TEX11: variants seen among roughly 807,000 people sequenced by gnomAD.
The protein encoded by TEX11 is testis-expressed protein 11.
In TEX11, 7 loss-of-function variants were observed where a neutral mutation model predicts 84.4. The observed-to-expected ratio is 0.08, with a 90% CI of 0.05 to 0.16. The LOEUF (loss-of-function observed/expected upper bound fraction) is 0.16. Ranked by LOEUF, TEX11 falls within the 10% of genes least tolerant of loss-of-function variation. The pLI is 1.00. For missense variants in TEX11, 551 were observed against 660.5 expected (o/e 0.83, Z 1.82); for synonymous variants, 264 against 222.8 (o/e 1.18, Z -1.64).
rs1442238573 is a variant in TEX11 at position 70,679,263 on chromosome X, T to G, written c.1157-374A>C. ...GTGCTCAATGGTGCCCAGGCTGGAG[T>G]GCAGTGGCGTGATCTCGGCTCGCTA... is the stretch of plus-strand genomic sequence containing the variant. On this transcript the variant is annotated intron_variant, in intron 14 of 29. Transcript: ENST00000374333. Among the ~76,000 whole-genome samples the G allele has an allele frequency of 7.2e-5, 8 of 111,206 alleles. No individual in the cohort carries two copies. In the East Asian group the frequency reaches 2.3e-3, roughly 32 times the overall value.
At chrX:70,813,555 C>G (rs926178513) in intron 8 of TEX11, among the ~76,000 whole-genome samples, 2 of 111,059 alleles carry the variant, frequency 1.8e-5, no homozygotes, top group African/African-American at 6.5e-5. Context: ...GGGATGCCCT[C>G]TCTCACCACT....
At chrX:70,723,543 A>G (rs1030913877) in intron 12 of TEX11, among the ~76,000 whole-genome samples, 1 of 111,748 alleles carries the variant, frequency 8.9e-6, no homozygotes, top group African/African-American at 3.2e-5. Flanking sequence ...AATTTCTAAA[A>G]GTGATTGTGT....
chrX:70,755,489 A>G (rs943197313), intron 9 of TEX11, among the ~76,000 whole-genome samples: 1 of 111,851 alleles, frequency 8.9e-6, no homozygotes, highest in East Asian at 2.8e-4. Context: ...GACAAAAGAG[A>G]AAAGAATAAA....
chrX:70,873,351 C>T (rs761181257), intron 3 of TEX11, 44 bp from the exon 4 acceptor site: 27 of 847,142 alleles, frequency 3.2e-5, no homozygotes, highest in Non-Finnish European at 4.6e-5. Context: ...AAATACTGGC[C>T]ACCTCCAACG....
At chrX:70,756,202 G>C (rs752327244) in intron 9 of TEX11, among the ~76,000 whole-genome samples, 124 of 112,762 alleles carry the variant, frequency 1.1e-3, no homozygotes, top group African/African-American at 3.9e-3. Context: ...CAGAACAAAA[G>C]GCAGCAGATA....
At chrX:70,711,144 T>C (rs2090428321) in intron 13 of TEX11, among the ~76,000 whole-genome samples, 1 of 111,619 alleles carries the variant, frequency 9.0e-6, no homozygotes, top group Admixed American at 9.5e-5. Context: ...CTGCATAGTA[T>C]TCCATGGTGT....
intron 3 of TEX11, among the ~76,000 whole-genome samples, chrX:70,879,728 T>C (rs1292702188): frequency 9.0e-6 from 1 of 110,765 alleles, no homozygotes; most frequent in African/African-American, 3.3e-5. Context: ...GTGAGAAAAC[T>C]GAAGCCTGGG....
At chrX:70,758,341 G>A (rs948693137) in intron 9 of TEX11, among the ~76,000 whole-genome samples, 6 of 111,497 alleles carry the variant, frequency 5.4e-5, no homozygotes, top group African/African-American at 9.8e-5. Flanking sequence ...GCACCACATC[G>A]CACTTATTCT....
chrX:70,883,801 C>T (rs1170990429), intron 2 of TEX11, among the ~76,000 whole-genome samples: 1 of 111,922 alleles, frequency 8.9e-6, no homozygotes, highest in Non-Finnish European at 1.9e-5. Flanking sequence ...TAATCTGTAT[C>T]AATTAATTCT....
intron 9 of TEX11, among the ~76,000 whole-genome samples, chrX:70,764,287 G>A (rs1481843232): frequency 9.0e-6 from 1 of 111,158 alleles, no homozygotes; most frequent in Non-Finnish European, 1.9e-5. Context: ...AACAAATAAT[G>A]GAAACATCAC....
chrX:70,532,908 G>T (rs1350519495), intron 28 of TEX11, among the ~76,000 whole-genome samples: 2 of 106,323 alleles, frequency 1.9e-5, no homozygotes, highest in African/African-American at 3.5e-5. Context: ...CGTGGTGGCA[G>T]GCACCTGTAG....
rs757277911 is a variant in TEX11 at position 70,704,530 on chromosome X, C to G, written c.1004+18088G>C. Among the ~76,000 whole-genome samples the G allele has an allele frequency of 3.6e-5, 4 of 111,379 alleles. 1 individual carries two copies. In the South Asian group the frequency reaches 1.5e-3, roughly 42 times the overall value. On this transcript the variant is annotated intron_variant, in intron 13 of 29. Transcript: ENST00000374333. ...TACTCGAAATCATTATTCTTTTTCTCAATCTTCATTCTTTACTGTTCAAGT... is the reference window on the plus strand; with the variant it reads ...TACTCGAAATCATTATTCTTTTTCTGAATCTTCATTCTTTACTGTTCAAGT...
At chrX:70,540,206 C>G (rs2088024065) in intron 28 of TEX11, among the ~76,000 whole-genome samples, 1 of 112,288 alleles carries the variant, frequency 8.9e-6, no homozygotes, top group Non-Finnish European at 1.9e-5. Flanking sequence ...TGAATTGATG[C>G]CAACACTGAG....
chrX:70,861,187 A>G (rs1330020775), intron 4 of TEX11, among the ~76,000 whole-genome samples: 1 of 97,312 alleles, frequency 1.0e-5, no homozygotes, highest in Non-Finnish European at 2.0e-5. Flanking sequence ...TCAGCCTCCC[A>G]AGTAGCTGGG....
intron 16 of TEX11, among the ~76,000 whole-genome samples, chrX:70,662,990 T>C (rs759119562): frequency 1.1e-4 from 12 of 111,862 alleles, no homozygotes; most frequent in Non-Finnish European, 1.9e-4. Context: ...AATGCATTTT[T>C]GTATGTAAAT....
intron 28 of TEX11, among the ~76,000 whole-genome samples, chrX:70,543,925 T>C (rs1053618197): frequency 1.8e-5 from 2 of 112,267 alleles, no homozygotes; most frequent in African/African-American, 6.5e-5. Context: ...CCATACAGCA[T>C]GTGACTCTAC....
chrX:70,570,753 G>A (rs1362808810), intron 25 of TEX11, among the ~76,000 whole-genome samples: 1 of 110,737 alleles, frequency 9.0e-6, no homozygotes, highest in Non-Finnish European at 1.9e-5. Context: ...GAAGTAATGG[G>A]GGGCGGGAAA....
At chrX:70,603,560 G>A in intron 24 of TEX11, among the ~76,000 whole-genome samples, 4 of 108,223 alleles carry the variant, frequency 3.7e-5, no homozygotes, top group Middle Eastern at 9.4e-3. Flanking sequence ...ATTCAAGATG[G>A]ATTAAAGACT....
At chrX:70,718,679 C>T (rs2090528600) in intron 13 of TEX11, among the ~76,000 whole-genome samples, 1 of 111,857 alleles carries the variant, frequency 8.9e-6, no homozygotes, top group African/African-American at 3.2e-5. Flanking sequence ...CGAAACTCCC[C>T]TTCAGAACTG....
Sources: gnomAD v4.1 joint callset for allele counts (sites outside exome capture counted in the v4.1 genomes callset) on GRCh38, gnomAD v4.1.1 for gene constraint, MANE v1.5 for transcripts, NCBI Gene and HGNC (gene_info 2026-07-23, HGNC 2026-07-21) for gene names.